Variants in SLCO1B3 observed in about 807,000 individuals in gnomAD.
SLCO1B3 encodes liver-specific organic anion transporter 2.
In SLCO1B3, 72 loss-of-function variants were observed where a neutral mutation model predicts 71.8. That is an observed-to-expected ratio of 1.00 (90% CI 0.83 to 1.22). SLCO1B3 has a LOEUF of 1.22. SLCO1B3 is among the 50% of genes most tolerant of loss of function. SLCO1B3 has a pLI of 0.00. For synonymous variants in SLCO1B3, 298 were observed against 278.4 expected (o/e 1.07, Z -0.70); for missense variants, 911 against 819.7 (o/e 1.11, Z -1.36).
chr12:20,912,413 CT>C (rs1866399364), intron 15 of SLCO1B3, among the ~76,000 whole-genome samples: 1 of 150,802 alleles, frequency 6.6e-6, no homozygotes, highest in Non-Finnish European at 1.5e-5. Flanking sequence ...ACTGCAACCT[CT>C]GCTTCCTGGG....
rs565640015 is a variant in SLCO1B3 at position 20,906,554 on chromosome 12, G to A, written c.1865+5087G>A. Among the ~76,000 whole-genome samples the A allele has an allele frequency of 2.6e-5, 4 of 152,218 alleles. No homozygotes were observed. In the South Asian group the frequency reaches 8.3e-4, roughly 32 times the overall value. On this transcript the variant is annotated intron_variant, in intron 15 of 15. Coordinates refer to ENST00000381545, the MANE Select transcript of SLCO1B3 (RefSeq NM_019844.4). ...TAACAAATGTGCTATACTAATACAAGATATTAATGATAGGAGAAACTGTGT... is the reference window on the plus strand; with the variant it reads ...TAACAAATGTGCTATACTAATACAAAATATTAATGATAGGAGAAACTGTGT...
At chr12:20,894,384 T>G (rs1360549602) in intron 13 of SLCO1B3, among the ~76,000 whole-genome samples, 1 of 151,844 alleles carries the variant, frequency 6.6e-6, no homozygotes, top group Non-Finnish European at 1.5e-5. Context: ...TAGGGGTGAG[T>G]GTGTGTGATT....
intron 3 of SLCO1B3, among the ~76,000 whole-genome samples, chr12:20,837,874 T>C (rs1864715759): frequency 6.6e-6 from 1 of 152,070 alleles, no homozygotes; most frequent in Non-Finnish European, 1.5e-5. Flanking sequence ...GTCAAGTATT[T>C]TCTATCTGTT....
chr12:20,813,974 A>G (rs1864148456), intron 2 of SLCO1B3, among the ~76,000 whole-genome samples: 1 of 152,196 alleles, frequency 6.6e-6, no homozygotes, highest in Non-Finnish European at 1.5e-5. Flanking sequence ...GGATGCTTAT[A>G]TAGATAACAT....
At chr12:20,842,442 A>G (rs945263536) in intron 3 of SLCO1B3, among the ~76,000 whole-genome samples, 4 of 152,098 alleles carry the variant, frequency 2.6e-5, no homozygotes, top group Admixed American at 2.0e-4. Flanking sequence ...ATATGTAGAA[A>G]CCTCTATCCA....
intron 3 of SLCO1B3, among the ~76,000 whole-genome samples, chr12:20,828,612 G>A (rs1864476135): frequency 6.6e-6 from 1 of 151,250 alleles, no homozygotes; most frequent in Non-Finnish European, 1.5e-5. Flanking sequence ...CAAGATCCTA[G>A]GAGAGAAAGA....
intron 2 of SLCO1B3, among the ~76,000 whole-genome samples, chr12:20,815,186 C>A (rs1864171646): frequency 6.6e-6 from 1 of 152,012 alleles, no homozygotes; most frequent in South Asian, 2.1e-4. Context: ...ATAGGCATCT[C>A]CTCTATGAAA....
chr12:20,825,798 C>CAAAAAA (rs3060437), intron 3 of SLCO1B3, among the ~76,000 whole-genome samples: 2 of 86,184 alleles, frequency 2.3e-5, no homozygotes, highest in Admixed American at 1.4e-4. Context: ...GACTCTGTCT[C>CAAAAAA]AAAAAAAAAA....
chr12:20,882,262 G>A (rs1314723941), intron 12 of SLCO1B3, among the ~76,000 whole-genome samples: 2 of 152,068 alleles, frequency 1.3e-5, no homozygotes, highest in Admixed American at 6.5e-5. Context: ...CAGTAAAATT[G>A]TTAAAATAAT....
chr12:20,830,121 T>A (rs1480384036), intron 3 of SLCO1B3, among the ~76,000 whole-genome samples: 1 of 152,176 alleles, frequency 6.6e-6, no homozygotes, highest in Non-Finnish European at 1.5e-5. Context: ...TTGCTCTGGT[T>A]CACATGCCTC....
chr12:20,842,816 G>C (rs1864830832), intron 3 of SLCO1B3, among the ~76,000 whole-genome samples: 1 of 152,032 alleles, frequency 6.6e-6, no homozygotes, highest in South Asian at 2.1e-4. Context: ...GCTATGGTCT[G>C]AATATTTGTA....
At chr12:20,839,403 G>T (rs1233244295) in intron 3 of SLCO1B3, among the ~76,000 whole-genome samples, 2 of 151,948 alleles carry the variant, frequency 1.3e-5, no homozygotes, top group Non-Finnish European at 2.9e-5. Flanking sequence ...TTTCTTTCAT[G>T]TTAGAAGATA....
rs1357351286 is a variant in SLCO1B3 at position 20,898,441 on chromosome 12, T to C, written c.1688T>C (p.Val563Ala). ...TTFILLTVKI[V>A]QPELKALAMG... The stretch of plus-strand genomic sequence containing the variant: ...TTGCCTTTATCATATTTCAGGATTG[T>C]TCAACCTGAATTGAAAGCACTTGCA... Residue 563 changes from valine (V) to alanine (A), a missense_variant, in exon 14 of 16, where the codon GTT becomes GCT. Coordinates refer to ENST00000381545, the MANE Select transcript of SLCO1B3 (RefSeq NM_019844.4). The C allele has an allele frequency of 6.3e-7, 1 of 1,594,020 alleles. No homozygotes were observed. Among genetic ancestry groups the C allele is most frequent in the South Asian group, 1.1e-5 (1 of 90,106 alleles).
At chr12:20,828,586 A>AT (rs1864475583) in intron 3 of SLCO1B3, among the ~76,000 whole-genome samples, 1 of 152,008 alleles carries the variant, frequency 6.6e-6, no homozygotes, top group Non-Finnish European at 1.5e-5. Flanking sequence ...AGAAAAAAGA[A>AT]CTTTTTCTCA....
Position 20,904,750 on chromosome 12 carries a change from C to A in SLCO1B3, c.1865+3283C>A, listed in dbSNP as rs2120406679. ...CTGCAGCAGACTTCTGCCTGGACAT[C>A]CAGGCTTTTTTTTTTTTTTTTTTTT... is the stretch of plus-strand genomic sequence containing the variant. On this transcript the variant is annotated intron_variant, in intron 15 of 15. Transcript: ENST00000381545. Among the ~76,000 whole-genome samples the A allele has an allele frequency of 2.3e-5, 3 of 133,016 alleles. 1 individual carries two copies. 87.3% of individuals were successfully genotyped at this position (133,016 alleles called of 152,430 possible). A position where few individuals can be genotyped will look rare whatever the true frequency, so the allele number is the denominator to read the frequency against.
At chr12:20,864,276 AC>A (rs1865329084) in intron 8 of SLCO1B3, among the ~76,000 whole-genome samples, 1 of 152,230 alleles carries the variant, frequency 6.6e-6, no homozygotes, top group Admixed American at 6.5e-5. Context: ...AGCCCTTCTC[AC>A]AACAATCTAT....
intron 14 of SLCO1B3, among the ~76,000 whole-genome samples, chr12:20,899,351 T>C (rs989650357): frequency 6.6e-6 from 1 of 152,110 alleles, no homozygotes; most frequent in Admixed American, 6.5e-5. Context: ...TAGGGATTGG[T>C]GCAGAGGACT....
intron 3 of SLCO1B3, among the ~76,000 whole-genome samples, chr12:20,833,151 G>A (rs1240903457): frequency 6.6e-6 from 1 of 152,086 alleles, no homozygotes; most frequent in Non-Finnish European, 1.5e-5. Context: ...ACGTCACATG[G>A]ATGCTTCTTT....
chr12:20,819,699 G>C (rs1864257026), intron 3 of SLCO1B3, among the ~76,000 whole-genome samples: 2 of 152,204 alleles, frequency 1.3e-5, no homozygotes, highest in South Asian at 4.1e-4. Flanking sequence ...AGGCCATGCT[G>C]TAGCAGGCGA....
Sources: gnomAD v4.1 joint callset for allele counts (sites outside exome capture counted in the v4.1 genomes callset) on GRCh38, gnomAD v4.1.1 for gene constraint, MANE v1.5 for transcripts, NCBI Gene and HGNC (gene_info 2026-07-23, HGNC 2026-07-21) for gene names.